CPLX2: variants seen among roughly 807,000 people sequenced by gnomAD.
CPLX2 encodes the protein complexin-2.
A neutral mutation model predicts 16.3 loss-of-function variants in CPLX2; 5 were observed. That is an observed-to-expected ratio of 0.31 (90% confidence interval 0.16 to 0.64). The LOEUF (loss-of-function observed/expected upper bound fraction) is 0.64, where lower values mean the gene tolerates loss of function less well. Ranked by LOEUF, CPLX2 falls within the 30% of genes least tolerant of loss-of-function variation. The probability of loss-of-function intolerance (pLI) is 0.79; values close to 1 mark genes in which losing one functional copy is unlikely to be tolerated. For synonymous variants in CPLX2, 89 were observed against 73.2 expected (o/e 1.22, Z -1.10); for missense variants, 144 against 181.4 (o/e 0.79, Z 1.18).
chr5:175,798,409 G>A (rs1334330412), intron 1 of CPLX2, among the ~76,000 whole-genome samples: 1 of 152,216 alleles, frequency 6.6e-6, no homozygotes, highest in East Asian at 1.9e-4. Flanking sequence ...AGTAGCTTGA[G>A]GAGGTCACAG....
chr5:175,857,179 G>A (rs1759274233), intron 2 of CPLX2, among the ~76,000 whole-genome samples: 1 of 152,100 alleles, frequency 6.6e-6, no homozygotes, highest in South Asian at 2.1e-4. Flanking sequence ...TTCTGTCCTG[G>A]GAACAAGCCA....
intron 2 of CPLX2, among the ~76,000 whole-genome samples, chr5:175,827,129 C>T (rs182809741): frequency 2.8e-4 from 42 of 152,302 alleles, no homozygotes; most frequent in Admixed American, 1.5e-3. Context: ...AGAACTGAGT[C>T]TCATTGGCCC....
chr5:175,879,827 C>A, intron 3 of CPLX2, 21 bp from the exon 4 acceptor site: 1 of 1,601,424 alleles, frequency 6.2e-7, no homozygotes, highest in Non-Finnish European at 8.5e-7. Context: ...TCATGCGCGT[C>A]TCTGCCCTCC....
chr5:175,819,534 T>A (rs1160998653), intron 2 of CPLX2, among the ~76,000 whole-genome samples: 1 of 152,190 alleles, frequency 6.6e-6, no homozygotes, highest in Non-Finnish European at 1.5e-5. Context: ...CATTTGGACA[T>A]CCTCTTTCCC....
At chr5:175,870,925 T>C (rs1237803716), upstream of CPLX2, among the ~76,000 whole-genome samples, 1 of 152,192 alleles carries the variant, frequency 6.6e-6, no homozygotes, top group Admixed American at 6.5e-5. Flanking sequence ...CAGTGTTTCC[T>C]GAGTGCTCCT....
chr5:175,839,907 T>C (rs1401951603), intron 2 of CPLX2, among the ~76,000 whole-genome samples: 1 of 152,280 alleles, frequency 6.6e-6, no homozygotes, highest in Non-Finnish European at 1.5e-5. Flanking sequence ...TCATTTGTAC[T>C]GCCAAATGTG....
chr5:175,879,601 T>G, intron 3 of CPLX2: 1 of 635,368 alleles, frequency 1.6e-6, no homozygotes, highest in Non-Finnish European at 2.9e-6. Flanking sequence ...TCTTTGGGGG[T>G]TTCAACACAG....
At chr5:175,812,563 G>T (rs1393923892) in intron 2 of CPLX2, among the ~76,000 whole-genome samples, 1 of 152,180 alleles carries the variant, frequency 6.6e-6, no homozygotes, top group East Asian at 1.9e-4. Context: ...AAGATTTCAA[G>T]GTGGCCAAGG....
chr5:175,844,659 G>A (rs527271361), intron 2 of CPLX2, among the ~76,000 whole-genome samples: 15 of 152,372 alleles, frequency 9.8e-5, no homozygotes, highest in African/African-American at 2.9e-4. Context: ...CCATGGGGCC[G>A]AGGGAGCAGC....
rs773899228 is a variant in CPLX2 at position 175,879,002 on chromosome 5, G to A, written c.126G>A (p.Arg42=). 3.1e-6 allele frequency: 5 copies of A among 1,597,382 alleles called. No homozygotes were observed. Among genetic ancestry groups the A allele is most frequent in the Non-Finnish European group, 4.3e-6 (5 of 1,172,476 alleles). Residue 42 remains arginine, a synonymous_variant, in exon 3 of 4, where the codon CGG becomes CGA. Coordinates refer to ENST00000393745, the MANE Select transcript of CPLX2 (RefSeq NM_001008220.2). ...AGGAGGAGCGGCAGGAGGCGCTGCG[G>A]CAGCAGGAGGAGGAGCGTAAGGCCA... ...KKEEERQEAL[R]QQEEERKAKH... is the part of the protein sequence containing the mutation.
intron 1 of CPLX2, among the ~76,000 whole-genome samples, chr5:175,875,822 C>G (rs1366114): frequency 2.0e-5 from 3 of 151,962 alleles, no homozygotes; most frequent in Non-Finnish European, 1.5e-5. Flanking sequence ...TGGGCAGACT[C>G]GGGAATTTCA....
At chr5:175,806,165 C>T (rs1758195189) in intron 1 of CPLX2, among the ~76,000 whole-genome samples, 2 of 151,452 alleles carry the variant, frequency 1.3e-5, no homozygotes, top group South Asian at 4.2e-4. Context: ...CTCTAAGGCC[C>T]CTTCTAAACT....
chr5:175,858,266 C>A, intron 2 of CPLX2, among the ~76,000 whole-genome samples: 1 of 152,162 alleles, frequency 6.6e-6, no homozygotes, highest in East Asian at 1.9e-4. Context: ...TGAGCTGGTG[C>A]CTGTGGTGGA....
At chr5:175,824,559 A>G (rs1202535864) in intron 2 of CPLX2, among the ~76,000 whole-genome samples, 2 of 152,220 alleles carry the variant, frequency 1.3e-5, no homozygotes, top group Non-Finnish European at 2.9e-5. Flanking sequence ...TGGCCTCTGC[A>G]GTTTCAAATG....
chr5:175,811,632 C>A (rs1017924216), intron 2 of CPLX2, among the ~76,000 whole-genome samples: 3 of 152,006 alleles, frequency 2.0e-5, no homozygotes, highest in African/African-American at 7.2e-5. Context: ...TTGGGCCCAC[C>A]GAGAGAGAAG....
chr5:175,859,298 G>A (rs1759319517), intron 2 of CPLX2, among the ~76,000 whole-genome samples: 1 of 152,242 alleles, frequency 6.6e-6, no homozygotes, highest in Non-Finnish European at 1.5e-5. Flanking sequence ...GGGAAGGCCT[G>A]TGGGACCAAG....
intron 2 of CPLX2, among the ~76,000 whole-genome samples, chr5:175,846,388 T>C (rs1389564111): frequency 1.3e-5 from 2 of 152,192 alleles, no homozygotes; most frequent in Non-Finnish European, 2.9e-5. Flanking sequence ...TGTATGACCT[T>C]GGGCAGGTCA....
chr5:175,834,634 A>G (rs1343060704), intron 2 of CPLX2, among the ~76,000 whole-genome samples: 1 of 152,204 alleles, frequency 6.6e-6, no homozygotes, highest in Admixed American at 6.5e-5. Flanking sequence ...GCACTTTGGC[A>G]GGCCGAAGTG....
At position 175,813,577 on chromosome 5, in the gene CPLX2, C is replaced by T. The variant is rs560528822; in HGVS notation, c.-89+4509C>T. ...GGAACAGTGTGGGGTGGGCATGAGA[C>T]AGGCAGCCATGGATCCAGCTCTGAT... On this transcript the variant is annotated intron_variant, in intron 2 of 4. Coordinates refer to the CPLX2 transcript ENST00000359546. Among the ~76,000 whole-genome samples the T allele has an allele frequency of 9.8e-5, 15 of 152,384 alleles. No individual in the cohort carries two copies. The South Asian group carries it at 2.7e-3, about 27-fold the overall frequency.
Sources: allele counts gnomAD v4.1 joint callset (sites outside exome capture counted in the v4.1 genomes callset), GRCh38; gene constraint gnomAD v4.1.1; transcripts MANE v1.5; gene names NCBI Gene and HGNC (gene_info 2026-07-23, HGNC 2026-07-21).